The following GMCL1 variants were observed in gnomAD, a reference collection of about 807,000 sequenced individuals.
GMCL1 encodes germ cell-less 1, spermatogenesis associated, also known as germ cell-less protein-like 1.
A neutral mutation model predicts 75.5 loss-of-function variants in GMCL1; 54 were observed. The observed-to-expected ratio is 0.71, with a 90% confidence interval of 0.57 to 0.90. The LOEUF (loss-of-function observed/expected upper bound fraction) is 0.90, where lower values mean the gene tolerates loss of function less well. GMCL1 is among the 40% of genes least tolerant of loss of function. The pLI, the probability that GMCL1 is intolerant of heterozygous loss-of-function variation, is 0.00. For missense variants in GMCL1, 537 were observed against 622.7 expected (o/e 0.86, Z 1.47); for synonymous variants, 210 against 209.6 (o/e 1.00, Z -0.02).
intron 8 of GMCL1, among the ~76,000 whole-genome samples, chr2:69,852,070 G>C (rs1403605887): frequency 3.3e-5 from 5 of 152,086 alleles, no homozygotes; most frequent in Non-Finnish European, 2.9e-5. Context: ...GAAAAGTAGG[G>C]GAAAGCATTT....
chr2:69,849,592 TA>T, intron 7 of GMCL1, 59 bp from the exon 8 acceptor site: 2 of 1,131,456 alleles, frequency 1.8e-6, no homozygotes, highest in African/African-American at 1.6e-5. Flanking sequence ...TTTGAAAATG[TA>T]AAATCATAAA....
intron 6 of GMCL1, among the ~76,000 whole-genome samples, chr2:69,845,566 C>T (rs1435794899): frequency 6.6e-6 from 1 of 152,192 alleles, no homozygotes; most frequent in Non-Finnish European, 1.5e-5. Context: ...CATACCACTG[C>T]ACCCAGCTTA....
intron 9 of GMCL1, among the ~76,000 whole-genome samples, chr2:69,860,792 A>C (rs1398102662): frequency 6.6e-6 from 1 of 152,162 alleles, no homozygotes; most frequent in Non-Finnish European, 1.5e-5. Context: ...CCATTATAGT[A>C]TTTTTGTAAA....
At chr2:69,845,583 CT>C (rs1675117754) in intron 6 of GMCL1, among the ~76,000 whole-genome samples, 2 of 152,172 alleles carry the variant, frequency 1.3e-5, no homozygotes, top group South Asian at 4.1e-4. Flanking sequence ...CTTAGTTTGG[CT>C]TTTTGGATTA....
intron 8 of GMCL1, among the ~76,000 whole-genome samples, chr2:69,851,837 T>C (rs1217690352): frequency 6.6e-6 from 1 of 152,202 alleles, no homozygotes; most frequent in Non-Finnish European, 1.5e-5. Flanking sequence ...TATATCTTAG[T>C]TAAATACATT....
chr2:69,869,825 G>A lies in GMCL1; in HGVS notation c.1325G>A (p.Gly442Glu), dbSNP rs1274442350. 1 of 1,613,890 alleles carries A rather than the reference G, an allele frequency of 6.2e-7. No homozygotes were observed. Among genetic ancestry groups the A allele is most frequent in the Non-Finnish European group, 8.5e-7 (1 of 1,179,968 alleles). Residue 442 changes from glycine (G) to glutamate (E), a missense_variant, in exon 12 of 14, where the codon GGA becomes GAA. This residue lies in a region of GMCL1 where 345 missense variants were observed against 410.5 expected (regional missense o/e 0.84). Transcript: ENST00000282570. ...KRNTLNQPCSGSVSLQPRRSI... is the reference protein window; with the variant it reads ...KRNTLNQPCSESVSLQPRRSI... ...AATACACTGAATCAGCCATGTAGCG[G>A]ATCTGTCAGTTTACAGCCTCGAAGG... is the stretch of plus-strand genomic sequence containing the variant.
chr2:69,833,395 A>G (rs1674729146), intron 1 of GMCL1, among the ~76,000 whole-genome samples: 1 of 152,146 alleles, frequency 6.6e-6, no homozygotes, highest in South Asian at 2.1e-4. Flanking sequence ...CAAGCAGATC[A>G]CTTTAGGCCA....
chr2:69,829,788 T>C lies in GMCL1; in HGVS notation c.-105T>C. On this transcript the variant is annotated 5_prime_UTR_variant, in exon 1 of 14. Coordinates refer to ENST00000282570, the MANE Select transcript of GMCL1 (RefSeq NM_178439.5). ...ACGGTTGGGGCTGCGCGTGAGAAGG[T>C]GGCGGTGTAGGCACCTGCGCTCGGG... The C allele has an allele frequency of 1.6e-6, 2 of 1,241,856 alleles. No homozygotes were observed. Among genetic ancestry groups the C allele is most frequent in the Admixed American group, 2.9e-5 (1 of 34,824 alleles). The allele number at this position is 1,241,856 out of a possible 1,614,324, so 76.9% of individuals were successfully genotyped here.
chr2:69,829,700 A>G lies in GMCL1; in HGVS notation c.-193A>G. The G allele has an allele frequency of 3.2e-6, 2 of 620,050 alleles. No individual in the cohort carries two copies. The highest frequency in any genetic ancestry group is 4.2e-5 in the South Asian group (2 of 48,020). 38.4% of individuals were successfully genotyped at this position (620,050 alleles called of 1,614,324 possible). A position where few individuals can be genotyped will look rare whatever the true frequency, so the allele number is the denominator to read the frequency against. ...CGAGGGGGCGAGGTGCTGCGGTGCT[A>G]GAGCGCGGCGCGACCGGACGCTGCG... On this transcript the variant is annotated 5_prime_UTR_variant, in exon 1 of 14. Transcript: ENST00000282570.
intron 10 of GMCL1, among the ~76,000 whole-genome samples, chr2:69,862,117 A>G (rs1675672024): frequency 6.6e-6 from 1 of 152,210 alleles, no homozygotes; most frequent in Non-Finnish European, 1.5e-5. Flanking sequence ...ATCTTAAAGG[A>G]AAGATTATTA....
In GMCL1 at chr2:69,879,196, T is replaced by C; in HGVS notation, c.*192T>C. The C allele has an allele frequency of 2.2e-6, 1 of 452,878 alleles. No homozygotes were observed. The highest frequency in any genetic ancestry group is 3.9e-6 in the Non-Finnish European group (1 of 254,540). 28.1% of individuals were successfully genotyped at this position (452,878 alleles called of 1,614,324 possible). ...AAGATTATTCTTATCCTCATTGCAT[T>C]TCTATGCATATGCGTAAGAACATTT... On this transcript the variant is annotated 3_prime_UTR_variant, in exon 14 of 14. Coordinates refer to ENST00000282570, the MANE Select transcript of GMCL1 (RefSeq NM_178439.5).
In GMCL1 at chr2:69,878,974, C is replaced by G. The variant is rs561246764; in HGVS notation, c.1518C>G (p.Phe506Leu). ...TCCCTTTATATATCTGCTGTAACTT[C>G]TTGTATATATCACCAGAAAAAAAGA... is the stretch of plus-strand genomic sequence containing the variant. The part of the protein sequence containing the change: ...LIFPLYICCN[F>L]LYISPEKKN Residue 506 changes from phenylalanine (F) to leucine (L), a missense_variant, in exon 14 of 14, where the codon TTC becomes TTG. By Grantham distance (22) the Phe-to-Leu change is conservative. This residue lies in a region of GMCL1 where 345 missense variants were observed against 410.5 expected (regional missense o/e 0.84). Coordinates refer to ENST00000282570, the MANE Select transcript of GMCL1 (RefSeq NM_178439.5). 1.9e-6 allele frequency: 3 copies of G among 1,604,298 alleles called. No individual in the cohort carries two copies. Among genetic ancestry groups the G allele is most frequent in the South Asian group, 2.2e-5 (2 of 90,636 alleles).
intron 8 of GMCL1, among the ~76,000 whole-genome samples, chr2:69,850,032 C>A (rs17037171): frequency 6.6e-6 from 1 of 152,270 alleles, no homozygotes; most frequent in African/African-American, 2.4e-5. Context: ...TTGTTTTTCC[C>A]ATTTTATCAC....
At chr2:69,854,566 C>G (rs1167711360) in intron 8 of GMCL1, among the ~76,000 whole-genome samples, 1 of 152,160 alleles carries the variant, frequency 6.6e-6, no homozygotes, top group Non-Finnish European at 1.5e-5. Context: ...CTGCACTATA[C>G]ATGCCAAATG....
chr2:69,853,733 T>C (rs1174553545), intron 8 of GMCL1, among the ~76,000 whole-genome samples: 1 of 151,526 alleles, frequency 6.6e-6, no homozygotes, highest in East Asian at 1.9e-4. Context: ...CTGAGGGTAA[T>C]TTTTAGGAAT....
chr2:69,841,533 C>G (rs1262827982), intron 4 of GMCL1, among the ~76,000 whole-genome samples: 6 of 152,164 alleles, frequency 3.9e-5, no homozygotes, highest in African/African-American at 1.2e-4. Context: ...CTGTGTCAAA[C>G]TAGACACAGA....
At chr2:69,868,542 A>ATTTTAT (rs1161050322) in intron 11 of GMCL1, among the ~76,000 whole-genome samples, 2 of 151,604 alleles carry the variant, frequency 1.3e-5, no homozygotes, top group African/African-American at 4.8e-5. Context: ...GAGTTAGAGT[A>ATTTTAT]TTTTATTTTT....
intron 13 of GMCL1, among the ~76,000 whole-genome samples, chr2:69,877,706 TTGTGTGTGTGTG>T (rs10549628): frequency 2.0e-5 from 3 of 149,828 alleles, no homozygotes; most frequent in Non-Finnish European, 3.0e-5. Context: ...GATTGTGTGT[TTGTGTGTGTGTG>T]TGTGTGTGTG....
chr2:69,865,727 AC>A (rs1302562682), intron 11 of GMCL1, among the ~76,000 whole-genome samples: 2 of 152,156 alleles, frequency 1.3e-5, no homozygotes, highest in Non-Finnish European at 2.9e-5. Flanking sequence ...AACAATACTT[AC>A]CCCTGTGCAT....
Sources: gnomAD v4.1 joint callset for allele counts (sites outside exome capture counted in the v4.1 genomes callset) on GRCh38, gnomAD v4.1.1 for gene constraint, gnomAD v4.1.1 regional missense constraint, MANE v1.5 for transcripts, NCBI Gene and HGNC (gene_info 2026-07-23, HGNC 2026-07-21) for gene names.